Variants in COX7B2 observed in about 807,000 individuals in gnomAD.
COX7B2 encodes cytochrome c oxidase subunit 7B2, mitochondrial.
For missense variants in COX7B2, 109 were observed against 95.9 expected, an observed-to-expected ratio of 1.14 and a Z score of -0.57; for synonymous variants, 37 against 32.1, an observed-to-expected ratio of 1.15 and a Z score of -0.51.
At chr4:46,860,768 T>C (rs1717289421) in intron 1 of COX7B2, among the ~76,000 whole-genome samples, 1 of 152,192 alleles carries the variant, frequency 6.6e-6, no homozygotes, top group Non-Finnish European at 1.5e-5. Context: ...CAGTTTTTGC[T>C]TTTACTCCCT....
chr4:46,804,962 C>T (rs373207752), intron 2 of COX7B2, among the ~76,000 whole-genome samples: 82 of 152,276 alleles, frequency 5.4e-4, no homozygotes, highest in African/African-American at 1.8e-3. Flanking sequence ...TGGTGGGCTG[C>T]GGGTCCCGAG....
chr4:46,811,788 TA>T (rs1361002859), intron 2 of COX7B2, among the ~76,000 whole-genome samples: 6 of 152,140 alleles, frequency 3.9e-5, no homozygotes, highest in African/African-American at 1.4e-4. Flanking sequence ...GCAGCTTTCA[TA>T]GGGGGAGACT....
intron 2 of COX7B2, among the ~76,000 whole-genome samples, chr4:46,782,255 A>T (rs758935575): frequency 6.6e-6 from 1 of 152,062 alleles, no homozygotes; most frequent in South Asian, 2.1e-4. Flanking sequence ...TCTGGTGGGG[A>T]CTTGGAGAAC....
intron 2 of COX7B2, among the ~76,000 whole-genome samples, chr4:46,834,206 G>T (rs1715357046): frequency 6.6e-6 from 1 of 152,064 alleles, no homozygotes; most frequent in Admixed American, 6.5e-5. Flanking sequence ...AATATAGTAT[G>T]ATCCCAATTT....
rs561982953 is a variant in COX7B2 at position 46,735,209 on chromosome 4, C to G, written c.-17G>C. On this transcript the variant is annotated 5_prime_UTR_variant, in exon 3 of 3. Transcript: ENST00000355591. ...AAACATCATGAAGGATTGCAGTTGCCTTCAGCTACTGGTCTATTTTGTTGC... is the reference window on the plus strand; with the variant it reads ...AAACATCATGAAGGATTGCAGTTGCGTTCAGCTACTGGTCTATTTTGTTGC... The G allele has an allele frequency of 6.2e-7, 1 of 1,612,476 alleles. No homozygotes were observed. The highest frequency in any genetic ancestry group is 1.3e-5 in the African/African-American group (1 of 74,942).
chr4:46,764,461 T>C (rs959346511), intron 2 of COX7B2, among the ~76,000 whole-genome samples: 1 of 152,020 alleles, frequency 6.6e-6, no homozygotes, highest in Admixed American at 6.6e-5. Flanking sequence ...GAGAACTGCT[T>C]TAGCCTGGGA....
At chr4:46,847,682 G>C (rs1275093728) in intron 1 of COX7B2, among the ~76,000 whole-genome samples, 3 of 152,080 alleles carry the variant, frequency 2.0e-5, no homozygotes, top group African/African-American at 7.2e-5. Flanking sequence ...AGGCAAGGGA[G>C]CTAAGAAAGC....
At chr4:46,833,157 G>A (rs552938696) in intron 2 of COX7B2, among the ~76,000 whole-genome samples, 3 of 152,150 alleles carry the variant, frequency 2.0e-5, no homozygotes, top group East Asian at 1.9e-4. Flanking sequence ...CACCCACCTC[G>A]GCCTCCCAGA....
chr4:46,836,838 C>G (rs1000585760), intron 2 of COX7B2, among the ~76,000 whole-genome samples: 7 of 152,118 alleles, frequency 4.6e-5, no homozygotes, highest in Admixed American at 1.3e-4. Flanking sequence ...AACTTCACCA[C>G]AGCTGCAACG....
chr4:46,788,376 G>C (rs1717861458), intron 2 of COX7B2, among the ~76,000 whole-genome samples: 1 of 152,116 alleles, frequency 6.6e-6, no homozygotes. Context: ...AAGTTTTAGT[G>C]AGTTTTGATG....
chr4:46,782,684 C>T (rs1420033506), intron 2 of COX7B2, among the ~76,000 whole-genome samples: 1 of 152,188 alleles, frequency 6.6e-6, no homozygotes, highest in African/African-American at 2.4e-5. Context: ...TAACACTCAC[C>T]ATGAAGGTCT....
intron 1 of COX7B2, among the ~76,000 whole-genome samples, chr4:46,849,940 T>C (rs981200968): frequency 6.6e-6 from 1 of 152,096 alleles, no homozygotes; most frequent in African/African-American, 2.4e-5. Flanking sequence ...AGCCCTGTGC[T>C]TCCTCACAGC....
At chr4:46,783,382 A>G (rs1402538557) in intron 2 of COX7B2, among the ~76,000 whole-genome samples, 1 of 152,220 alleles carries the variant, frequency 6.6e-6, no homozygotes, top group African/African-American at 2.4e-5. Flanking sequence ...CTATCATTTC[A>G]TAACAGGGGT....
intron 2 of COX7B2, among the ~76,000 whole-genome samples, chr4:46,822,731 G>A (rs920101463): frequency 2.0e-5 from 3 of 151,932 alleles, no homozygotes; most frequent in Non-Finnish European, 2.9e-5. Flanking sequence ...TATTTCATGG[G>A]CCTATTAAAT....
chr4:46,804,611 T>C (rs1718886888), intron 2 of COX7B2, among the ~76,000 whole-genome samples: 1 of 152,208 alleles, frequency 6.6e-6, no homozygotes, highest in African/African-American at 2.4e-5. Flanking sequence ...TGTCAATTGG[T>C]GCATTCACAA....
intron 2 of COX7B2, among the ~76,000 whole-genome samples, chr4:46,758,647 T>C (rs76681612): frequency 9.9e-5 from 15 of 152,270 alleles, no homozygotes; most frequent in African/African-American, 3.6e-4. Flanking sequence ...TGATTAAGAT[T>C]TCTATTTGCA....
intron 2 of COX7B2, among the ~76,000 whole-genome samples, chr4:46,751,029 C>A (rs1715339418): frequency 6.6e-6 from 1 of 152,132 alleles, no homozygotes; most frequent in Non-Finnish European, 1.5e-5. Flanking sequence ...CTTTCATGGT[C>A]CTTGACAACT....
rs762496670 is a variant in COX7B2 at position 46,735,131 on chromosome 4, C to T, written c.62G>A (p.Ser21Asn). The change falls in exon 3 of 3, where the codon AGC becomes AAC. Residue 21 changes from serine (S) to asparagine (N), a missense_variant. Ser to Asn is a conservative substitution (Grantham distance 46). Transcript: ENST00000355591. ...SSLKIQSILQ[S>N]MARHSHVKHS... ...TTTTACATGGCTATGTCTTGCCATG[C>T]TTTGCAGAATGCTTTGAATCTTGAG... 6.2e-7 allele frequency: 1 copy of T among 1,613,702 alleles called. No individual in the cohort carries two copies. Among genetic ancestry groups the T allele is most frequent in the Non-Finnish European group, 8.5e-7 (1 of 1,179,802 alleles).
At chr4:46,748,187 G>A (rs1378235195) in intron 2 of COX7B2, among the ~76,000 whole-genome samples, 1 of 152,054 alleles carries the variant, frequency 6.6e-6, no homozygotes, top group African/African-American at 2.4e-5. Context: ...CCAGACTTAA[G>A]GTAGATTTAT....
Sources: gnomAD v4.1 joint callset for allele counts (sites outside exome capture counted in the v4.1 genomes callset) on GRCh38, gnomAD v4.1.1 for gene constraint, MANE v1.5 for transcripts, NCBI Gene and HGNC (gene_info 2026-07-23, HGNC 2026-07-21) for gene names.